GAPVD1: variants seen among roughly 807,000 people sequenced by gnomAD.
GAPVD1 encodes the protein GTPase activating protein and VPS9 domains 1.
A neutral mutation model predicts 155.5 loss-of-function variants in GAPVD1; 35 were observed. The observed-to-expected ratio is 0.23, with a 90% CI of 0.17 to 0.30. The LOEUF (loss-of-function observed/expected upper bound fraction) is 0.30. Ranked by LOEUF, GAPVD1 falls within the 10% of genes least tolerant of loss-of-function variation. The pLI is 1.00. For missense variants in GAPVD1, 1,429 were observed against 1,775.7 expected (o/e 0.80, Z 3.51); for synonymous variants, 636 against 619.7 (o/e 1.03, Z -0.39).
At chr9:125,277,278 G>A (rs543134106) in intron 2 of GAPVD1, among the ~76,000 whole-genome samples, 65 of 152,292 alleles carry the variant, frequency 4.3e-4, no homozygotes, top group African/African-American at 1.4e-3. Context: ...GGAACTTGGA[G>A]TTTTGTTGTA....
intron 2 of GAPVD1, among the ~76,000 whole-genome samples, chr9:125,269,216 A>G (rs1169868584): frequency 6.6e-6 from 1 of 152,034 alleles, no homozygotes; most frequent in Non-Finnish European, 1.5e-5. Flanking sequence ...GGAGCATGCT[A>G]CTTTGCCCAG....
chr9:125,324,318 C>T (rs145797172), intron 11 of GAPVD1, among the ~76,000 whole-genome samples: 2 of 152,214 alleles, frequency 1.3e-5, no homozygotes, highest in East Asian at 1.9e-4. Flanking sequence ...CTGCTGGGCC[C>T]GGTGGCTCAC....
chr9:125,329,988 T>C, intron 12 of GAPVD1, 90 bp from the exon 13 acceptor site: 1 of 1,068,612 alleles, frequency 9.4e-7, no homozygotes, highest in South Asian at 1.7e-5. Context: ...AGCCAGGAGA[T>C]TTTGTTAGCT....
At chr9:125,317,760 G>T (rs569876121) in intron 9 of GAPVD1, among the ~76,000 whole-genome samples, 3 of 150,294 alleles carry the variant, frequency 2.0e-5, no homozygotes, top group East Asian at 1.9e-4. Context: ...CACGGACAAA[G>T]AACTAAAGAA....
Position 125,362,660 on chromosome 9 carries a change from A to T in GAPVD1, c.4297A>T (p.Ser1433Cys). ...GCAGTATATCAGTAGCTTTTATGCTAGCTGTCTGTCTGGAGAGGAGTCCTA... is the reference window on the plus strand; with the variant it reads ...GCAGTATATCAGTAGCTTTTATGCTTGCTGTCTGTCTGGAGAGGAGTCCTA... ...TVQYISSFYA[S>C]CLSGEESYWW... Residue 1433 changes from serine (S) to cysteine (C), a missense_variant, in exon 28 of 28, where the codon AGC becomes TGC. By Grantham distance (112) the Ser-to-Cys change is moderately radical. Coordinates refer to ENST00000297933, the MANE Select transcript of GAPVD1 (RefSeq NM_001282680.3). The T allele has an allele frequency of 6.2e-7, 1 of 1,613,274 alleles. No individual in the cohort carries two copies. The highest frequency in any genetic ancestry group is 8.5e-7 in the Non-Finnish European group (1 of 1,179,370).
At chr9:125,286,250 AT>A (rs2132324186) in intron 2 of GAPVD1, among the ~76,000 whole-genome samples, 1 of 152,294 alleles carries the variant, frequency 6.6e-6, no homozygotes, top group Admixed American at 6.5e-5. Context: ...AGCAGCTGAG[AT>A]AACAGCTGTG....
chr9:125,317,882 A>G (rs1014078497), intron 9 of GAPVD1, among the ~76,000 whole-genome samples: 6 of 152,194 alleles, frequency 3.9e-5, no homozygotes, highest in African/African-American at 1.4e-4. Flanking sequence ...TGGAATGAAA[A>G]ATACACTAGA....
rs193148963 is a variant in GAPVD1, at chr9:125,358,961, C to G, written c.3972-459C>G. ...CTGACACCTGTGTAGCTTAGGCAAG[C>G]CTTTTCCCTTTTTAAGCCTACTTCT... On this transcript the variant is annotated intron_variant, in intron 25 of 27. Transcript: ENST00000297933. Among the ~76,000 whole-genome samples, 109 of 152,316 alleles carry G rather than the reference C, an allele frequency of 7.2e-4. 1 individual carries two copies. Among genetic ancestry groups the G allele is most frequent in the Middle Eastern group, 3.4e-3 (1 of 294 alleles).
intron 6 of GAPVD1, among the ~76,000 whole-genome samples, chr9:125,306,502 T>C (rs1468935320): frequency 1.3e-5 from 2 of 152,170 alleles, no homozygotes; most frequent in African/African-American, 4.8e-5. Flanking sequence ...CAACATCTTA[T>C]TGTTATTTTC....
At position 125,361,608 on chromosome 9, in the gene GAPVD1, T is replaced by C. The variant is rs375231593; in HGVS notation, c.4242+883T>C. On this transcript the variant is annotated intron_variant, in intron 27 of 27. Coordinates refer to ENST00000297933, the MANE Select transcript of GAPVD1 (RefSeq NM_001282680.3). ...TGAATGGATGAGGGCAGGTTCTTTATATTATACTTTTACCATCTTCTTTAA... is the reference window on the plus strand; with the variant it reads ...TGAATGGATGAGGGCAGGTTCTTTACATTATACTTTTACCATCTTCTTTAA... Among the ~76,000 whole-genome samples, 40 of 152,284 alleles carry C rather than the reference T, an allele frequency of 2.6e-4. No homozygotes were observed. In the East Asian group the frequency reaches 4.3e-3, roughly 16 times the overall value.
intron 17 of GAPVD1, among the ~76,000 whole-genome samples, 154 bp downstream of exon 17, chr9:125,337,745 C>G (rs541371530): frequency 6.6e-6 from 1 of 152,162 alleles, no homozygotes; most frequent in Non-Finnish European, 1.5e-5. Flanking sequence ...CAACCATAAC[C>G]GCAGGAAACC....
chr9:125,336,290 CA>C (rs34270139), intron 15 of GAPVD1, among the ~76,000 whole-genome samples: 4,317 of 129,060 alleles, frequency 0.033, 136 homozygotes, highest in African/African-American at 0.092. Flanking sequence ...AGCTTGAGAC[CA>C]AAAAAAAAAA....
At chr9:125,329,416 TG>T (rs1845754522) in intron 12 of GAPVD1, among the ~76,000 whole-genome samples, 1 of 152,218 alleles carries the variant, frequency 6.6e-6, no homozygotes, top group African/African-American at 2.4e-5. Flanking sequence ...TAAGGACCCC[TG>T]TAAAATTTGC....
At position 125,350,375 on chromosome 9, in the gene GAPVD1, A is replaced by G. The variant is rs1324055605; in HGVS notation, c.3380A>G (p.Asn1127Ser). 2 of 1,609,150 alleles carry G rather than the reference A, an allele frequency of 1.2e-6. No individual in the cohort carries two copies. The highest frequency in any genetic ancestry group is 2.2e-5 in the East Asian group (1 of 44,844). Residue 1127 changes from asparagine to serine, a missense_variant, in exon 22 of 28, where the codon AAT (asparagine) becomes AGT (serine). Transcript: ENST00000297933. ...CCAGTGCTGACCCATTCAACAAGGA[A>G]TGGTTTACCAGACCACACAGACCCA... ...AFPVLTHSTR[N>S]GLPDHTDPED...
At position 125,302,501 on chromosome 9, in the gene GAPVD1, T is replaced by G; in HGVS notation, c.704T>G (p.Phe235Cys). The part of the protein sequence containing the change: ...RFSPSQQEKL[F>C]GEKGSDRFRQ... ...TCTCCATCTCAGCAGGAAAAACTCT[T>G]TGGAGAGAAGGGCTCAGATAGATTC... The change falls in exon 5 of 28, where the codon TTT becomes TGT. Residue 235 changes from phenylalanine to cysteine, a missense_variant. Physicochemically the swap from Phe to Cys is radical, Grantham distance 205. Around this residue, in one of 4 missense-constraint regions of GAPVD1, gnomAD observed 628 missense variants for 733.4 expected, o/e 0.86. Transcript: ENST00000297933. 6.2e-7 allele frequency: 1 copy of G among 1,613,844 alleles called. No individual in the cohort carries two copies. The highest frequency in any genetic ancestry group is 8.5e-7 in the Non-Finnish European group (1 of 1,179,998).
At chr9:125,350,546 C>T (rs1200388323) in intron 22 of GAPVD1, 142 bp downstream of exon 22, 4 of 704,270 alleles carry the variant, frequency 5.7e-6, no homozygotes, top group Admixed American at 2.7e-5. Context: ...CTTAAGGGCA[C>T]TTTGATTACT....
chr9:125,356,464 G>A (rs1393725212), intron 25 of GAPVD1, among the ~76,000 whole-genome samples: 1 of 152,088 alleles, frequency 6.6e-6, no homozygotes, highest in East Asian at 1.9e-4. Flanking sequence ...TGTCCCTTGT[G>A]GGGGCAAAAT....
chr9:125,299,387 G>C (rs187001791), intron 4 of GAPVD1, among the ~76,000 whole-genome samples: 37 of 152,328 alleles, frequency 2.4e-4, no homozygotes, highest in African/African-American at 8.4e-4. Flanking sequence ...GCTGGGCGTG[G>C]TGGCTCACAC....
At chr9:125,328,827 G>A (rs1298163141) in intron 12 of GAPVD1, among the ~76,000 whole-genome samples, 1 of 98,718 alleles carries the variant, frequency 1.0e-5, no homozygotes, top group Non-Finnish European at 1.9e-5. Context: ...GCCGGGCAGG[G>A]GGCTGACCCC....
Sources: gnomAD v4.1 joint callset for allele counts (sites outside exome capture counted in the v4.1 genomes callset) on GRCh38, gnomAD v4.1.1 for gene constraint, gnomAD v4.1.1 regional missense constraint, MANE v1.5 for transcripts, NCBI Gene and HGNC (gene_info 2026-07-23, HGNC 2026-07-21) for gene names.